ATP2B3: variants seen among roughly 807,000 people sequenced by gnomAD.
ATP2B3 encodes plasma membrane calcium-transporting ATPase 3.
In ATP2B3, 12 loss-of-function variants were observed where a neutral mutation model predicts 70.8. The observed-to-expected ratio is 0.17, with a 90% CI of 0.11 to 0.27. The LOEUF (loss-of-function observed/expected upper bound fraction) is 0.27. Ranked by LOEUF, ATP2B3 falls within the 10% of genes least tolerant of loss-of-function variation. The probability of loss-of-function intolerance (pLI) is 1.00; values close to 1 mark genes in which losing one functional copy is unlikely to be tolerated. For synonymous variants in ATP2B3, 460 were observed against 497.8 expected (o/e 0.92, Z 1.01); for missense variants, 858 against 1,118.5 (o/e 0.77, Z 3.32).
Position 153,556,339 on chromosome X carries a change from G to A in ATP2B3, c.2247G>A (p.Gln749=), listed in dbSNP as rs1386083926. 1 of 1,205,239 alleles carries A rather than the reference G, an allele frequency of 8.3e-7. No individual in the cohort carries two copies. Among genetic ancestry groups the A allele is most frequent in the African/African-American group, 1.8e-5 (1 of 57,028 alleles). The part of the protein sequence containing the change: ...RIRNEKGEIE[Q]ERLDKVWPKL... ...GTGCTTCCCCTCCCCAGATAGAACA[G>A]GAGCGGCTGGACAAGGTGTGGCCCA... The change falls in exon 15 of 22, where the codon CAG becomes CAA. Residue 749 remains glutamine (Q), a synonymous_variant. Transcript: ENST00000263519.
At chrX:153,523,320 G>A (rs2089984539) in intron 2 of ATP2B3, among the ~76,000 whole-genome samples, 1 of 112,403 alleles carries the variant, frequency 8.9e-6, no homozygotes, top group African/African-American at 3.2e-5. Context: ...ATTTTTAATG[G>A]CTGAATAATA....
chrX:153,559,641 A>G (rs1348458769), intron 17 of ATP2B3, 88 bp from the exon 18 acceptor site: 58 of 800,165 alleles, frequency 7.2e-5, no homozygotes, highest in Non-Finnish European at 1.1e-4. Flanking sequence ...TGTGGACCCC[A>G]TGAGGAGCCC....
At chrX:153,531,942 C>T (rs990858095) in intron 2 of ATP2B3, among the ~76,000 whole-genome samples, 19 of 111,800 alleles carry the variant, frequency 1.7e-4, no homozygotes, top group African/African-American at 5.2e-4. Flanking sequence ...TCCATAAAGG[C>T]GGAGCAGGTG....
rs782364750 is a variant in ATP2B3, at chrX:153,541,706, C to T, written c.444C>T (p.Gly148=). 4 of 1,209,464 alleles carry T rather than the reference C, an allele frequency of 3.3e-6. No homozygotes were observed. Among genetic ancestry groups the T allele is most frequent in the South Asian group, 3.5e-5 (2 of 56,774 alleles). ...GNVSGGAEDE[G]EAEAGWIEGA... is the part of the protein sequence containing the mutation. ...TGTCGGGAGGCGCAGAAGATGAGGG[C>T]GAGGCCGAAGCTGGCTGGATCGAGG... The change falls in exon 5 of 22, where the codon GGC becomes GGT. Residue 148 remains glycine, a synonymous_variant. Transcript: ENST00000263519.
intron 7 of ATP2B3, 115 bp downstream of exon 7, chrX:153,543,283 T>A: frequency 1.0e-6 from 1 of 997,260 alleles, no homozygotes; most frequent in Non-Finnish European, 1.3e-6. Flanking sequence ...CCCAAGTGGG[T>A]GGGAGGCCGG....
At chrX:153,573,700 C>G (rs2090820448) in intron 21 of ATP2B3, among the ~76,000 whole-genome samples, 1 of 112,890 alleles carries the variant, frequency 8.9e-6, no homozygotes. Flanking sequence ...CCTCTCAAGA[C>G]TAATTGGAGG....
intron 2 of ATP2B3, among the ~76,000 whole-genome samples, chrX:153,522,124 G>A (rs938602910): frequency 8.9e-6 from 1 of 112,626 alleles, no homozygotes; most frequent in Admixed American, 9.3e-5. Context: ...GCCAGGCTGG[G>A]CTTGAACGGG....
chrX:153,524,612 C>T (rs892435690), intron 2 of ATP2B3, among the ~76,000 whole-genome samples: 1 of 111,744 alleles, frequency 8.9e-6, no homozygotes, highest in African/African-American at 3.3e-5. Flanking sequence ...CCAGTTGTCC[C>T]CATCTCTAGT....
intron 2 of ATP2B3, among the ~76,000 whole-genome samples, chrX:153,530,938 G>A (rs148667210): frequency 0.013 from 1,426 of 112,344 alleles, 25 homozygotes; most frequent in African/African-American, 0.043. Context: ...GAGCTGCAGC[G>A]ACGGTGCCTC....
At chrX:153,569,556 C>T in intron 21 of ATP2B3, 1 of 1,197,866 alleles carries the variant, frequency 8.3e-7, no homozygotes, top group Non-Finnish European at 1.1e-6. Context: ...CCGTGATAGC[C>T]TGGACAACAG....
chrX:153,529,013 G>A (rs1392155578), intron 2 of ATP2B3, among the ~76,000 whole-genome samples: 2 of 112,423 alleles, frequency 1.8e-5, no homozygotes, highest in African/African-American at 6.5e-5. Context: ...AGGTGGGAGA[G>A]TAGCTAGCAA....
intron 21 of ATP2B3, among the ~76,000 whole-genome samples, chrX:153,568,458 C>T (rs1271344218): frequency 3.6e-5 from 4 of 110,879 alleles, no homozygotes; most frequent in Non-Finnish European, 5.7e-5. Context: ...TTTGCCGCAG[C>T]GAGAGTCCTC....
chrX:153,564,763 G>T (rs954132799), intron 20 of ATP2B3, among the ~76,000 whole-genome samples, 158 bp from the exon 21 acceptor site: 1 of 113,254 alleles, frequency 8.8e-6, no homozygotes, highest in African/African-American at 3.2e-5. Flanking sequence ...GCCAGTTCCC[G>T]GGGGGACTGC....
In ATP2B3 at chrX:153,536,462, C is replaced by G. The variant is rs782603435; in HGVS notation, c.208+7C>G. The G allele has an allele frequency of 5.9e-6, 7 of 1,186,213 alleles. No individual in the cohort carries two copies. The highest frequency in any genetic ancestry group is 3.0e-5 in the East Asian group (1 of 32,947). ...AAGACCTCACCCACAGAGGGTAAGT[C>G]CCTCTCAGGCTGCATGCCACCCAGC... On this transcript the variant is annotated splice_region_variant and intron_variant, in intron 3 of 21. Coordinates refer to ENST00000263519, the MANE Select transcript of ATP2B3 (RefSeq NM_001001344.3).
chrX:153,536,085 C>A (rs2090186690), intron 2 of ATP2B3, 37 bp from the exon 3 acceptor site: 1 of 528,239 alleles, frequency 1.9e-6, no homozygotes, highest in African/African-American at 2.3e-5. Context: ...TTTGTCTCAA[C>A]CACTCCCCTG....
intron 11 of ATP2B3, 151 bp downstream of exon 11, chrX:153,549,890 G>A (rs2090430558): frequency 9.3e-7 from 1 of 1,073,339 alleles, no homozygotes; most frequent in Non-Finnish European, 1.2e-6. Flanking sequence ...GCTCTGGCTG[G>A]GAAACTGCCT....
In ATP2B3 at chrX:153,549,654, C is replaced by T. The variant is rs2090426739; in HGVS notation, c.1496C>T (p.Pro499Leu). The T allele has an allele frequency of 7.4e-6, 9 of 1,212,179 alleles. No individual in the cohort carries two copies. Among genetic ancestry groups the T allele is most frequent in the Non-Finnish European group, 1.0e-5 (9 of 895,581 alleles). ...GGAGACACCCACTACAAAGAGATTC[C>T]GGCCCCCAGCGCCCTGACCCCTAAG... Reference protein sequence around the residue: ...YLGDTHYKEIPAPSALTPKIL... With the variant: ...YLGDTHYKEILAPSALTPKIL... Residue 499 changes from proline to leucine, a missense_variant, in exon 11 of 22, where the codon CCG becomes CTG. This residue lies in a region of ATP2B3 where 242 missense variants were observed against 281.3 expected (regional missense o/e 0.86). Transcript: ENST00000263519.
rs782395566 is a variant in ATP2B3 at position 153,578,537 on chromosome X, C to T, written c.3343-1441C>T. On this transcript the variant is annotated intron_variant, in intron 21 of 21. Transcript: ENST00000263519. ...AAGAGAGGCAGCAAGGACTTGAGTG[C>T]GTGAGGCAAGGTGGAGAAGCCAGAG... Among the ~76,000 whole-genome samples the T allele has an allele frequency of 1.6e-4, 18 of 112,500 alleles. No individual in the cohort carries two copies. The South Asian group carries it at 5.1e-3, about 32-fold the overall frequency.
chrX:153,550,314 G>A, intron 12 of ATP2B3, 28 bp downstream of exon 12: 1 of 1,206,759 alleles, frequency 8.3e-7, no homozygotes, highest in South Asian at 1.8e-5. Context: ...AGGTGCCGGG[G>A]TACGCACGGA....
Sources: gnomAD v4.1 joint callset for allele counts (sites outside exome capture counted in the v4.1 genomes callset) on GRCh38, gnomAD v4.1.1 for gene constraint, gnomAD v4.1.1 regional missense constraint, MANE v1.5 for transcripts, NCBI Gene and HGNC (gene_info 2026-07-23, HGNC 2026-07-21) for gene names.